GRM5: variants seen among roughly 807,000 people sequenced by gnomAD.
GRM5 encodes the protein metabotropic glutamate receptor 5.
In GRM5, 19 loss-of-function variants were observed where a neutral mutation model predicts 83.1. That is an observed-to-expected ratio of 0.23 (90% CI 0.16 to 0.34). The LOEUF (loss-of-function observed/expected upper bound fraction) is 0.34, where lower values mean the gene tolerates loss of function less well. Among genes scored for constraint, GRM5 ranks in the 10% least tolerant of loss-of-function variants. The pLI is 1.00. For synonymous variants in GRM5, 675 were observed against 633.6 expected (o/e 1.07, Z -0.98); for missense variants, 1,160 against 1,588.3 (o/e 0.73, Z 4.58).
intron 3 of GRM5, among the ~76,000 whole-genome samples, chr11:88,671,412 A>G (rs930824032): frequency 1.3e-5 from 2 of 152,132 alleles, no homozygotes; most frequent in African/African-American, 4.8e-5. Context: ...TTTTGTCTAA[A>G]GTAAACCTGT....
intron 2 of GRM5, among the ~76,000 whole-genome samples, chr11:88,885,469 T>G (rs1945029424): frequency 6.9e-6 from 1 of 144,192 alleles, no homozygotes; most frequent in Non-Finnish European, 1.5e-5. Flanking sequence ...TTTTTTTTTT[T>G]TTTTTTTTTT....
chr11:88,778,626 C>A (rs1017055712), intron 3 of GRM5, among the ~76,000 whole-genome samples: 20 of 152,278 alleles, frequency 1.3e-4, no homozygotes, highest in African/African-American at 4.8e-4. Context: ...TATTAAAATA[C>A]TTAAAACTAT....
intron 3 of GRM5, among the ~76,000 whole-genome samples, chr11:88,843,600 C>T (rs1192604569): frequency 6.6e-6 from 1 of 152,114 alleles, no homozygotes; most frequent in East Asian, 1.9e-4. Context: ...AATAGCCCTA[C>T]AATGGCTAAA....
At chr11:88,964,429 G>T (rs1183678094) in intron 2 of GRM5, among the ~76,000 whole-genome samples, 3 of 151,236 alleles carry the variant, frequency 2.0e-5, no homozygotes, top group African/African-American at 7.3e-5. Flanking sequence ...TCTATATTTT[G>T]CTCAGTAGTT....
In GRM5 at chr11:88,875,498, T is replaced by C. The variant is rs540639558; in HGVS notation, c.662-25343A>G. The stretch of plus-strand genomic sequence containing the variant: ...TCAACTTTTTCCAAATTCCTGTTAA[T>C]ATTGATATTCTGACCCACTCCCATG... On this transcript the variant is annotated intron_variant, in intron 2 of 9. Coordinates refer to ENST00000305447, the MANE Select transcript of GRM5 (RefSeq NM_001143831.3). Among the ~76,000 whole-genome samples the C allele has an allele frequency of 2.4e-3, 363 of 152,120 alleles. 1 individual carries two copies. The highest frequency in any genetic ancestry group is 8.7e-3 in the African/African-American group (360 of 41,534).
chr11:88,945,156 A>G (rs653477), intron 2 of GRM5, among the ~76,000 whole-genome samples: 1 of 151,854 alleles, frequency 6.6e-6, no homozygotes, highest in African/African-American at 2.4e-5. Context: ...ACATACACAC[A>G]AAATGCCTAG....
chr11:89,058,184 T>C (rs1448934096), intron 1 of GRM5, among the ~76,000 whole-genome samples: 1 of 152,206 alleles, frequency 6.6e-6, no homozygotes, highest in African/African-American at 2.4e-5. Flanking sequence ...GTACATAAAT[T>C]CATCAGAAAG....
intron 3 of GRM5, among the ~76,000 whole-genome samples, chr11:88,832,582 C>T (rs1944015812): frequency 1.3e-5 from 2 of 151,488 alleles, no homozygotes; most frequent in South Asian, 4.2e-4. Flanking sequence ...TTAAAAATAC[C>T]AATAATATTC....
At chr11:88,697,020 C>T (rs1210799557) in intron 3 of GRM5, among the ~76,000 whole-genome samples, 1 of 151,982 alleles carries the variant, frequency 6.6e-6, no homozygotes. Flanking sequence ...ATCCTTTTTT[C>T]AATATTTCCA....
intron 8 of GRM5, among the ~76,000 whole-genome samples, chr11:88,535,330 C>T (rs778279199): frequency 2.4e-4 from 37 of 152,204 alleles, no homozygotes; most frequent in Non-Finnish European, 4.7e-4. Flanking sequence ...CTTCTGAGAA[C>T]GATTTCTTTA....
chr11:88,600,738 A>G (rs1270875015), intron 5 of GRM5, among the ~76,000 whole-genome samples: 1 of 152,230 alleles, frequency 6.6e-6, no homozygotes, highest in Non-Finnish European at 1.5e-5. Context: ...AAGGGGCTGA[A>G]ACAGGGTTGT....
chr11:88,889,849 GCAAA>G (rs1179791243), intron 2 of GRM5, among the ~76,000 whole-genome samples: 2 of 152,148 alleles, frequency 1.3e-5, no homozygotes, highest in Admixed American at 6.5e-5. Context: ...GGGGAAAAAA[GCAAA>G]CAAACAAACA....
intron 3 of GRM5, among the ~76,000 whole-genome samples, chr11:88,708,916 G>C (rs1435943290): frequency 6.6e-6 from 1 of 152,058 alleles, no homozygotes; most frequent in Non-Finnish European, 1.5e-5. Flanking sequence ...TTACAGAAGT[G>C]AGTGATTAAA....
chr11:88,538,664 T>C (rs750671274), intron 8 of GRM5, among the ~76,000 whole-genome samples: 8 of 152,198 alleles, frequency 5.3e-5, no homozygotes, highest in Non-Finnish European at 7.3e-5. Context: ...TGAAGCTAGA[T>C]AATAAATGTA....
chr11:88,882,783 C>T (rs577279267), intron 2 of GRM5, among the ~76,000 whole-genome samples: 1 of 151,950 alleles, frequency 6.6e-6, no homozygotes, highest in East Asian at 1.9e-4. Flanking sequence ...TGGCTGTGTT[C>T]CCACCCAAAT....
chr11:88,786,115 C>A (rs1296666580), intron 3 of GRM5, among the ~76,000 whole-genome samples: 1 of 151,942 alleles, frequency 6.6e-6, no homozygotes, highest in Non-Finnish European at 1.5e-5. Flanking sequence ...ATGACATGGT[C>A]CCTAGTACAA....
chr11:88,660,334 T>C (rs1939871770), intron 3 of GRM5, among the ~76,000 whole-genome samples: 1 of 152,228 alleles, frequency 6.6e-6, no homozygotes, highest in South Asian at 2.1e-4. Context: ...TATTTCCAAG[T>C]TCTTAATTCT....
intron 4 of GRM5, among the ~76,000 whole-genome samples, chr11:88,626,367 C>T (rs1938798105): frequency 6.6e-6 from 1 of 152,078 alleles, no homozygotes; most frequent in African/African-American, 2.4e-5. Context: ...AACCTTCTGG[C>T]AATAAGAGTT....
intron 8 of GRM5, among the ~76,000 whole-genome samples, chr11:88,538,327 T>G (rs1942184291): frequency 6.6e-6 from 1 of 152,168 alleles, no homozygotes; most frequent in Non-Finnish European, 1.5e-5. Flanking sequence ...TGTACTTTCC[T>G]TCAACATTAC....
Sources: gnomAD v4.1 joint callset for allele counts (sites outside exome capture counted in the v4.1 genomes callset) on GRCh38, gnomAD v4.1.1 for gene constraint, MANE v1.5 for transcripts, NCBI Gene and HGNC (gene_info 2026-07-23, HGNC 2026-07-21) for gene names.